Variants in ANKRD28 observed in about 807,000 individuals in gnomAD.
ANKRD28 encodes serine/threonine-protein phosphatase 6 regulatory ankyrin repeat subunit A.
A neutral mutation model predicts 126.5 loss-of-function variants in ANKRD28; 44 were observed. That is an observed-to-expected ratio of 0.35 (90% confidence interval 0.27 to 0.45). ANKRD28 has a LOEUF of 0.45. Among genes scored for constraint, ANKRD28 ranks in the 20% least tolerant of loss-of-function variants. ANKRD28 has a pLI of 1.00. For synonymous variants in ANKRD28, 442 were observed against 468.5 expected (o/e 0.94, Z 0.73); for missense variants, 1,110 against 1,316.6 (o/e 0.84, Z 2.43).
At chr3:15,764,222 G>C (rs1287792263) in intron 3 of ANKRD28, among the ~76,000 whole-genome samples, 1 of 151,836 alleles carries the variant, frequency 6.6e-6, no homozygotes. Context: ...CTGTCTCAAA[G>C]AAAAATAAAA....
intron 17 of ANKRD28, among the ~76,000 whole-genome samples, chr3:15,692,668 G>C (rs777750100): frequency 6.6e-6 from 1 of 152,184 alleles, no homozygotes; most frequent in Non-Finnish European, 1.5e-5. Flanking sequence ...CCGAATGGGA[G>C]AGTTTCGTGT....
intron 4 of ANKRD28, among the ~76,000 whole-genome samples, chr3:15,741,621 CAG>C (rs1421850537): frequency 1.4e-5 from 2 of 144,106 alleles, no homozygotes; most frequent in Non-Finnish European, 3.0e-5. Flanking sequence ...CAACTGTACT[CAG>C]AGAGTATTTA....
chr3:15,695,854 G>A (rs1020325169), intron 15 of ANKRD28, among the ~76,000 whole-genome samples: 35 of 152,016 alleles, frequency 2.3e-4, no homozygotes, highest in African/African-American at 7.7e-4. Context: ...AGAAACTTAT[G>A]AGGAATATTA....
rs4036221 is a variant in ANKRD28, at chr3:15,743,545, AACACACACACACACACACAC to A, written c.352-6332_352-6313del. Among the ~76,000 whole-genome samples, 12 of 140,372 alleles carry A rather than the reference AACACACACACACACACACAC, an allele frequency of 8.5e-5. No homozygotes were observed. The South Asian group carries it at 9.3e-4, about 11-fold the overall frequency. 92.1% of individuals were successfully genotyped at this position (140,372 alleles called of 152,430 possible). A position where few individuals can be genotyped will look rare whatever the true frequency, so the allele number is the denominator to read the frequency against. On this transcript the variant is annotated intron_variant, in intron 4 of 27. Coordinates refer to ENST00000683139, the MANE Select transcript of ANKRD28 (RefSeq NM_001349278.2). ...CTCCAGCAGTGCAGTGTGGCTTTTT[AACACACACACACACACACAC>A]ACACACACACACACACACACACACA...
intron 14 of ANKRD28, among the ~76,000 whole-genome samples, chr3:15,701,171 A>G (rs1399145179): frequency 2.6e-5 from 4 of 152,248 alleles, no homozygotes; most frequent in Admixed American, 1.3e-4. Flanking sequence ...GAGAGCCATT[A>G]TTTCAATGCT....
intron 1 of ANKRD28, among the ~76,000 whole-genome samples, chr3:15,795,804 TA>T (rs1187792771): frequency 1.3e-5 from 2 of 152,090 alleles, no homozygotes; most frequent in Non-Finnish European, 2.9e-5. Context: ...AAATAGCCAC[TA>T]ATCAAAGACC....
upstream of ANKRD28, among the ~76,000 whole-genome samples, chr3:15,798,593 C>T (rs2060379330): frequency 6.6e-6 from 1 of 151,976 alleles, no homozygotes; most frequent in Non-Finnish European, 1.5e-5. Flanking sequence ...AATAATCCTA[C>T]CTTCCCATTT....
upstream of ANKRD28, among the ~76,000 whole-genome samples, chr3:15,798,470 T>C (rs2060374956): frequency 1.3e-5 from 2 of 152,154 alleles, no homozygotes; most frequent in African/African-American, 4.8e-5. Flanking sequence ...TCTAAATTGG[T>C]GAATTTAATC....
intron 1 of ANKRD28, among the ~76,000 whole-genome samples, chr3:15,829,933 T>A (rs529379972): frequency 7.9e-4 from 120 of 151,198 alleles, no homozygotes; most frequent in African/African-American, 2.8e-3. Flanking sequence ...TAAAAAGGTA[T>A]TCTATTAAAA....
upstream of ANKRD28, among the ~76,000 whole-genome samples, chr3:15,800,689 G>A (rs1360193636): frequency 1.3e-5 from 2 of 152,020 alleles, no homozygotes; most frequent in Non-Finnish European, 1.5e-5. Context: ...TGGGGAGAGG[G>A]AGCAGTAAAC....
In ANKRD28 at chr3:15,766,159, T is replaced by C; in HGVS notation, c.280+75A>G. On this transcript the variant is annotated intron_variant, in intron 3 of 27. Transcript: ENST00000683139. ...GAACAACAGGCCATGCAGTAAATAG[T>C]CAATTATGATTGAGAAACATTAAGA... The C allele has an allele frequency of 5.2e-6, 6 of 1,160,832 alleles. No individual in the cohort carries two copies. The South Asian group carries it at 8.8e-5, about 17-fold the overall frequency. The allele number at this position is 1,160,832 out of a possible 1,614,324, so 71.9% of individuals were successfully genotyped here.
Position 15,696,201 on chromosome 3 carries a change from C to A in ANKRD28, c.1592G>T (p.Arg531Leu), listed in dbSNP as rs757361546. ...AACTGCGTTGTATCCTTGCTTATCA[C>A]GGATCCCTGGATTTGCATCGTTTCT... ...LLRNDANPGI[R>L]DKQGYNAVHY... The change falls in exon 15 of 28, where the codon CGT becomes CTT. Residue 531 changes from arginine (R) to leucine (L), a missense_variant. Arg to Leu is a moderately radical substitution (Grantham distance 102). Coordinates refer to ENST00000683139, the MANE Select transcript of ANKRD28 (RefSeq NM_001349278.2). 3 of 1,592,306 alleles carry A rather than the reference C, an allele frequency of 1.9e-6. No homozygotes were observed. The highest frequency in any genetic ancestry group is 2.6e-6 in the Non-Finnish European group (3 of 1,167,300).
Position 15,695,314 on chromosome 3 carries a change from G to A in ANKRD28, c.1660-100C>T, listed in dbSNP as rs180952262. On this transcript the variant is annotated intron_variant, in intron 15 of 27. Transcript: ENST00000683139. ...CTTTGCTAACTTTTACCCTAAACCCGTGCTTCCTTTGGCTCCAAAAAATTA... is the reference window on the plus strand; with the variant it reads ...CTTTGCTAACTTTTACCCTAAACCCATGCTTCCTTTGGCTCCAAAAAATTA... 5.3e-4 allele frequency: 460 copies of A among 872,846 alleles called. 2 individuals are homozygous for A. The Middle Eastern group carries it at 5.8e-3, about 11-fold the overall frequency. The allele number at this position is 872,846 out of a possible 1,614,324, so 54.1% of individuals were successfully genotyped here. A position where few individuals can be genotyped will look rare whatever the true frequency, so the allele number is the denominator to read the frequency against.
chr3:15,752,455 A>T (rs2057916400), intron 3 of ANKRD28, among the ~76,000 whole-genome samples: 1 of 152,234 alleles, frequency 6.6e-6, no homozygotes, highest in South Asian at 2.1e-4. Flanking sequence ...AATGGACAAA[A>T]ATTAACCTTA....
chr3:15,696,616 C>T (rs532151022), intron 14 of ANKRD28, among the ~76,000 whole-genome samples: 44 of 152,050 alleles, frequency 2.9e-4, no homozygotes, highest in African/African-American at 1.0e-3. Flanking sequence ...GGCAATATTA[C>T]TATTTATCTA....
intron 2 of ANKRD28, among the ~76,000 whole-genome samples, chr3:15,774,430 A>G (rs1383798145): frequency 1.3e-5 from 2 of 152,218 alleles, no homozygotes; most frequent in East Asian, 3.8e-4. Flanking sequence ...ACCACCCAAC[A>G]AAATATGGGC....
At chr3:15,741,496 G>A (rs904968787) in intron 4 of ANKRD28, among the ~76,000 whole-genome samples, 3 of 151,978 alleles carry the variant, frequency 2.0e-5, no homozygotes, top group Admixed American at 1.3e-4. Context: ...TTATTAGAGG[G>A]AATGTGTAAG....
intron 8 of ANKRD28, among the ~76,000 whole-genome samples, chr3:15,717,183 G>C (rs1218421654): frequency 6.6e-6 from 1 of 151,900 alleles, no homozygotes; most frequent in African/African-American, 2.4e-5. Context: ...TTGCTATATT[G>C]CTCAGACTAG....
intron 1 of ANKRD28, among the ~76,000 whole-genome samples, chr3:15,857,898 G>A (rs1489730270): frequency 1.3e-5 from 2 of 152,168 alleles, no homozygotes; most frequent in African/African-American, 4.8e-5. Context: ...CATTAACAAT[G>A]GAAGCACAAA....
Sources: allele counts gnomAD v4.1 joint callset (sites outside exome capture counted in the v4.1 genomes callset), GRCh38; gene constraint gnomAD v4.1.1; transcripts MANE v1.5; gene names NCBI Gene and HGNC (gene_info 2026-07-23, HGNC 2026-07-21).